Variants in NELL1 observed in about 807,000 individuals in gnomAD.
The protein encoded by NELL1 is neural EGFL like 1.
In NELL1, 76 loss-of-function variants were observed where a neutral mutation model predicts 107.4. The ratio of observed to expected loss-of-function variants is 0.71; its 90% CI spans 0.59 to 0.86. NELL1 has a LOEUF of 0.86. Among genes scored for constraint, NELL1 ranks in the 40% least tolerant of loss-of-function variants. The pLI is 0.00. For synonymous variants in NELL1, 353 were observed against 341.2 expected, an observed-to-expected ratio of 1.03 and a Z score of -0.38; for missense variants, 1,024 against 1,005.5, an observed-to-expected ratio of 1.02 and a Z score of -0.25.
intron 13 of NELL1, among the ~76,000 whole-genome samples, chr11:21,158,237 C>T (rs1159320636): frequency 6.6e-6 from 1 of 152,168 alleles, no homozygotes; most frequent in African/African-American, 2.4e-5. Context: ...GGCTTCACTT[C>T]CCTACTTTTG....
chr11:21,575,129 C>T lies in NELL1; in HGVS notation c.*107C>T. On this transcript the variant is annotated 3_prime_UTR_variant, in exon 20 of 20. Coordinates refer to ENST00000357134, the MANE Select transcript of NELL1 (RefSeq NM_006157.5). ...TTTTTTGTTTGTTTTGTTTTTTTAA[C>T]CACAGATAATTGCCAAAGTTTCCAC... The T allele has an allele frequency of 9.6e-7, 1 of 1,042,950 alleles. No individual in the cohort carries two copies. Among genetic ancestry groups the T allele is most frequent in the South Asian group, 1.4e-5 (1 of 72,878 alleles). The allele number at this position is 1,042,950 out of a possible 1,614,324, so 64.6% of individuals were successfully genotyped here.
intron 2 of NELL1, among the ~76,000 whole-genome samples, chr11:20,702,457 A>G (rs1854818990): frequency 1.3e-5 from 2 of 152,288 alleles, no homozygotes; most frequent in South Asian, 4.1e-4. Flanking sequence ...ATCTGCAAAC[A>G]GGGACAATTT....
chr11:21,035,011 G>C (rs1430468138), intron 12 of NELL1, among the ~76,000 whole-genome samples: 2 of 151,986 alleles, frequency 1.3e-5, no homozygotes, highest in Admixed American at 1.3e-4. Context: ...AAGAAGAAAA[G>C]AGAGAAGATT....
intron 10 of NELL1, among the ~76,000 whole-genome samples, chr11:20,940,657 T>C (rs1363508694): frequency 6.6e-6 from 1 of 152,154 alleles, no homozygotes; most frequent in Non-Finnish European, 1.5e-5. Flanking sequence ...GTATTTCTTA[T>C]AAACTGGTCT....
intron 4 of NELL1, among the ~76,000 whole-genome samples, chr11:20,880,519 G>A (rs1218413860): frequency 2.0e-5 from 3 of 152,142 alleles, no homozygotes; most frequent in African/African-American, 2.4e-5. Flanking sequence ...GCGGAACTGC[G>A]ATACGAACCC....
intron 3 of NELL1, among the ~76,000 whole-genome samples, chr11:20,827,293 CATT>C (rs1857905304): frequency 6.6e-6 from 1 of 151,214 alleles, no homozygotes; most frequent in Non-Finnish European, 1.5e-5. Flanking sequence ...TGTCAGTGCT[CATT>C]ATTGTGTTAT....
At chr11:20,774,179 A>T (rs918242423) in intron 2 of NELL1, among the ~76,000 whole-genome samples, 2 of 26,930 alleles carry the variant, frequency 7.4e-5, no homozygotes, top group Non-Finnish European at 1.4e-4. Context: ...CTCCCCTCCC[A>T]TCCCCTCCCC....
At chr11:21,241,283 C>G (rs1045173803) in intron 14 of NELL1, among the ~76,000 whole-genome samples, 1 of 152,064 alleles carries the variant, frequency 6.6e-6, no homozygotes, top group South Asian at 2.1e-4. Context: ...TCACAGTATT[C>G]AACAGCTGGT....
intron 9 of NELL1, among the ~76,000 whole-genome samples, chr11:20,934,203 G>C (rs1262470269): frequency 1.3e-5 from 2 of 152,216 alleles, no homozygotes. Context: ...GCTGTTGTCA[G>C]AGAAGTGAGG....
chr11:21,057,287 C>T (rs991278374), intron 12 of NELL1, among the ~76,000 whole-genome samples: 2 of 151,956 alleles, frequency 1.3e-5, no homozygotes, highest in Admixed American at 6.6e-5. Flanking sequence ...TTTCATCTAT[C>T]GAATAAGACA....
At chr11:21,050,266 T>C (rs2134345974) in intron 12 of NELL1, among the ~76,000 whole-genome samples, 1 of 137,048 alleles carries the variant, frequency 7.3e-6, no homozygotes, top group Admixed American at 7.1e-5. Flanking sequence ...TGCAAACCCA[T>C]CCCCGCCCCC....
chr11:21,397,912 C>T (rs1852016138), intron 15 of NELL1, among the ~76,000 whole-genome samples: 1 of 151,456 alleles, frequency 6.6e-6, no homozygotes, highest in Non-Finnish European at 1.5e-5. Context: ...AAGCTCTCAC[C>T]AGATACCGAA....
chr11:21,275,918 T>C (rs757149288), intron 14 of NELL1, among the ~76,000 whole-genome samples: 5 of 152,182 alleles, frequency 3.3e-5, no homozygotes, highest in Admixed American at 2.6e-4. Flanking sequence ...ATAAGAGCTA[T>C]CTATGACAAA....
Position 20,853,768 on chromosome 11 carries a change from T to G in NELL1, c.506+6015T>G, listed in dbSNP as rs150704953. ...ACTGAACAATGTGAGATTTCTGAGGTTATTCTACTTTCCAGATCCTAAGCA... is the reference window on the plus strand; with the variant it reads ...ACTGAACAATGTGAGATTTCTGAGGGTATTCTACTTTCCAGATCCTAAGCA... On this transcript the variant is annotated intron_variant, in intron 4 of 19. Coordinates refer to ENST00000357134, the MANE Select transcript of NELL1 (RefSeq NM_006157.5). 5.4e-4 allele frequency among the ~76,000 whole-genome samples: 83 copies of G among 152,302 alleles called. 1 individual carries two copies. Among genetic ancestry groups the G allele is most frequent in the South Asian group, 1.9e-3 (9 of 4,820 alleles).
intron 14 of NELL1, among the ~76,000 whole-genome samples, chr11:21,369,123 G>A (rs1851299211): frequency 6.6e-6 from 1 of 152,022 alleles, no homozygotes; most frequent in African/African-American, 2.4e-5. Flanking sequence ...CTGCACTAAA[G>A]AAACCCAAGC....
At chr11:20,873,670 A>G (rs1005550591) in intron 4 of NELL1, among the ~76,000 whole-genome samples, 14 of 152,208 alleles carry the variant, frequency 9.2e-5, no homozygotes, top group Non-Finnish European at 2.9e-5. Context: ...CAAAACATAA[A>G]AGTAAAGGTA....
At chr11:21,186,274 A>G (rs1024175684) in intron 13 of NELL1, among the ~76,000 whole-genome samples, 2 of 151,844 alleles carry the variant, frequency 1.3e-5, no homozygotes, top group African/African-American at 4.9e-5. Flanking sequence ...TATATACACC[A>G]GTGAAGCATA....
rs758634001 is a variant in NELL1 at position 20,786,034 on chromosome 11, A to ATTT, written c.335+2204_335+2205insTTT. On this transcript the variant is annotated intron_variant, in intron 3 of 19. Transcript: ENST00000357134. ...TTTCATTGTAATAGAAAAACTTCAG[A>ATTT]ATTTTTTTTTTTTTTTTTTGAGAAA... Among the ~76,000 whole-genome samples, 19 of 104,150 alleles carry ATTT rather than the reference A, an allele frequency of 1.8e-4. 2 individuals carry two copies. The highest frequency in any genetic ancestry group is 5.9e-4 in the Admixed American group (4 of 6,752). 68.3% of individuals were successfully genotyped at this position (104,150 alleles called of 152,430 possible).
intron 14 of NELL1, among the ~76,000 whole-genome samples, chr11:21,252,032 G>A (rs934311234): frequency 5.3e-5 from 8 of 152,084 alleles, no homozygotes; most frequent in African/African-American, 1.7e-4. Flanking sequence ...GTGTTTACAC[G>A]CAAGACTGTG....
Sources: allele counts gnomAD v4.1 joint callset (sites outside exome capture counted in the v4.1 genomes callset), GRCh38; gene constraint gnomAD v4.1.1; transcripts MANE v1.5; gene names NCBI Gene and HGNC (gene_info 2026-07-23, HGNC 2026-07-21).